Variants in VPS13B observed in about 807,000 individuals in gnomAD.
VPS13B encodes vacuolar protein sorting 13 homolog B, also known as intermembrane lipid transfer protein VPS13B.
VPS13B carries 285 observed loss-of-function variants against 426.4 expected under a neutral mutation model. The observed-to-expected ratio is 0.67, with a 90% CI of 0.61 to 0.74. The LOEUF is 0.74. Ranked by LOEUF, VPS13B falls within the 30% of genes least tolerant of loss-of-function variation. The pLI, the probability that VPS13B is intolerant of heterozygous loss-of-function variation, is 0.00. For synonymous variants in VPS13B, 1,676 were observed against 1,676.4 expected, an observed-to-expected ratio of 1.00 and a Z score of 0.01; for missense variants, 4,537 against 4,782.6, an observed-to-expected ratio of 0.95 and a Z score of 1.51.
chr8:99,402,802 G>T (rs772550575), intron 21 of VPS13B, among the ~76,000 whole-genome samples: 1 of 152,192 alleles, frequency 6.6e-6, no homozygotes, highest in African/African-American at 2.4e-5. Context: ...GAAGAAGTAA[G>T]CCTGAGAAAG....
chr8:99,359,527 G>A (rs1280280853), intron 19 of VPS13B, among the ~76,000 whole-genome samples: 2 of 152,174 alleles, frequency 1.3e-5, no homozygotes, highest in East Asian at 1.9e-4. Flanking sequence ...ACAACAAAGT[G>A]AAGTATATAC....
intron 3 of VPS13B, chr8:99,093,996 A>T (rs1225237482): frequency 3.3e-5 from 5 of 152,188 alleles, no homozygotes; most frequent in South Asian, 2.1e-4. Flanking sequence ...AATAATTTTT[A>T]AAAAATAGAG....
intron 3 of VPS13B, among the ~76,000 whole-genome samples, chr8:99,045,662 A>G (rs1185765981): frequency 6.6e-6 from 1 of 152,032 alleles, no homozygotes; most frequent in Non-Finnish European, 1.5e-5. Flanking sequence ...TATCTTCTAG[A>G]ATTTTTATAG....
At position 99,142,966 on chromosome 8, in the gene VPS13B, TC is replaced by T. The variant is rs757852076; in HGVS notation, c.1652-7del. ...GATGCTTAAAATATAAAATTTGACTTCTTTTAGGTTCCACAAATCAACAAGA... is the reference window on the plus strand; with the variant it reads ...GATGCTTAAAATATAAAATTTGACTTTTTTAGGTTCCACAAATCAACAAGA... On this transcript the variant is annotated splice_polypyrimidine_tract_variant and splice_region_variant and intron_variant, in intron 12 of 61. Coordinates refer to ENST00000357162, the MANE Select transcript of VPS13B (RefSeq NM_152564.5). The T allele has an allele frequency of 1.2e-6, 2 of 1,610,584 alleles. No individual in the cohort carries two copies. Among genetic ancestry groups the T allele is most frequent in the Admixed American group, 1.7e-5 (1 of 59,580 alleles).
intron 19 of VPS13B, among the ~76,000 whole-genome samples, chr8:99,317,297 A>T (rs1347902375): frequency 6.6e-6 from 1 of 152,176 alleles, no homozygotes; most frequent in Non-Finnish European, 1.5e-5. Flanking sequence ...GTTTCAATAC[A>T]TGTATACATT....
intron 29 of VPS13B, among the ~76,000 whole-genome samples, chr8:99,515,760 T>C (rs1378856185): frequency 6.6e-6 from 1 of 152,140 alleles, no homozygotes; most frequent in East Asian, 1.9e-4. Context: ...ACCTTTAAAA[T>C]AGTAAGCGAT....
At chr8:99,200,625 T>C (rs780640171) in intron 17 of VPS13B, among the ~76,000 whole-genome samples, 2 of 152,102 alleles carry the variant, frequency 1.3e-5, no homozygotes, top group Non-Finnish European at 2.9e-5. Context: ...ATTATGATTT[T>C]CATTTTCATT....
intron 35 of VPS13B, among the ~76,000 whole-genome samples, chr8:99,662,902 TA>T (rs1040261967): frequency 4.6e-5 from 7 of 151,886 alleles, no homozygotes; most frequent in African/African-American, 1.7e-4. Context: ...ACAATAAAAA[TA>T]AAAAATTAGC....
chr8:99,740,020 C>T (rs1588670939), intron 39 of VPS13B, among the ~76,000 whole-genome samples: 2 of 152,250 alleles, frequency 1.3e-5, no homozygotes, highest in Admixed American at 1.3e-4. Context: ...GATCAAACTA[C>T]TCCAAGCTAA....
intron 30 of VPS13B, chr8:99,536,766 A>G (rs1476777280): frequency 3.8e-6 from 2 of 530,998 alleles, no homozygotes; most frequent in Non-Finnish European, 7.8e-6. Context: ...AAAGTTCTGA[A>G]TAGAAGTCAC....
At chr8:99,859,267 G>A (rs1816706768) in intron 56 of VPS13B, 37 bp from the exon 57 acceptor site, 2 of 1,612,174 alleles carry the variant, frequency 1.2e-6, no homozygotes, top group Admixed American at 1.7e-5. Flanking sequence ...TTCTGCATTT[G>A]AGGTTTCAAT....
At chr8:99,194,683 T>C (rs927762318) in intron 17 of VPS13B, among the ~76,000 whole-genome samples, 3 of 152,228 alleles carry the variant, frequency 2.0e-5, no homozygotes, top group African/African-American at 4.8e-5. Context: ...TGGATACTTA[T>C]ACTGATTTCA....
intron 19 of VPS13B, among the ~76,000 whole-genome samples, chr8:99,378,142 C>CCCA (rs1554761689): frequency 7.2e-6 from 1 of 139,260 alleles, no homozygotes; most frequent in East Asian, 2.5e-4. Context: ...GAGCCCCCCC[C>CCCA]CCCCGGAATG....
intron 28 of VPS13B, chr8:99,507,761 C>G (rs771160716): frequency 6.2e-7 from 1 of 1,613,896 alleles, no homozygotes; most frequent in African/African-American, 1.3e-5. Context: ...TCCTGTCCAT[C>G]ACTTCAAGCC....
chr8:99,463,778 C>T (rs965565491), intron 23 of VPS13B, among the ~76,000 whole-genome samples: 5 of 151,980 alleles, frequency 3.3e-5, no homozygotes, highest in Non-Finnish European at 5.9e-5. Context: ...CTGGAGCCTC[C>T]GCCTCCCGAG....
chr8:99,236,072 A>T (rs757196186), intron 17 of VPS13B, among the ~76,000 whole-genome samples: 5 of 152,218 alleles, frequency 3.3e-5, no homozygotes, highest in Non-Finnish European at 7.3e-5. Context: ...TATGTTGTGC[A>T]TCTCACTCAT....
rs533217411 is a variant in VPS13B, at chr8:99,876,081, AATTAATTTGGGTCTATT to A, written c.*421_*437del. 2.0e-3 allele frequency: 388 copies of A among 194,712 alleles called. 3 individuals are homozygous for A. Among genetic ancestry groups the A allele is most frequent in the African/African-American group, 0.013 (369 of 27,622 alleles). The allele number at this position is 194,712 out of a possible 1,614,324, so 12.1% of individuals were successfully genotyped here. A position where few individuals can be genotyped will look rare whatever the true frequency, so the allele number is the denominator to read the frequency against. On this transcript the variant is annotated 3_prime_UTR_variant, in exon 62 of 62. Transcript: ENST00000357162. The stretch of plus-strand genomic sequence containing the variant: ...TGACACTTGCAAAAATCTCTACTGT[AATTAATTTGGGTCTATT>A]ATTAACTCTCTGTTCCATCATAGAA...
chr8:99,066,422 A>G (rs1430092597), intron 3 of VPS13B, among the ~76,000 whole-genome samples: 2 of 152,204 alleles, frequency 1.3e-5, no homozygotes, highest in Non-Finnish European at 2.9e-5. Flanking sequence ...TATTTAATAA[A>G]TGGTGGTGGG....
intron 17 of VPS13B, among the ~76,000 whole-genome samples, chr8:99,213,315 GA>G (rs1323553115): frequency 6.6e-6 from 1 of 151,908 alleles, no homozygotes; most frequent in Non-Finnish European, 1.5e-5. Flanking sequence ...AATATTCATT[GA>G]AAATAAATAT....
Sources: gnomAD v4.1 joint callset for allele counts (sites outside exome capture counted in the v4.1 genomes callset) on GRCh38, gnomAD v4.1.1 for gene constraint, MANE v1.5 for transcripts, NCBI Gene and HGNC (gene_info 2026-07-23, HGNC 2026-07-21) for gene names.